The following FGD3 variants were observed in gnomAD, a reference collection of about 807,000 sequenced individuals.
FGD3 encodes the protein FYVE, RhoGEF and PH domain containing 3, also known as FYVE, RhoGEF and PH domain-containing protein 3.
A neutral mutation model predicts 71.8 loss-of-function variants in FGD3; 45 were observed. That is an observed-to-expected ratio of 0.63 (90% CI 0.49 to 0.80). The LOEUF (loss-of-function observed/expected upper bound fraction) is 0.80, where lower values mean the gene tolerates loss of function less well. FGD3 is among the 30% of genes least tolerant of loss of function. FGD3 has a pLI of 0.00. For synonymous variants in FGD3, 378 were observed against 392.8 expected (o/e 0.96, Z 0.44); for missense variants, 844 against 951.5 (o/e 0.89, Z 1.49).
rs1384441687 is a variant in FGD3, at chr9:93,006,079, A to C, written c.736A>C (p.Met246Leu). 1 of 1,613,100 alleles carries C rather than the reference A, an allele frequency of 6.2e-7. No homozygotes were observed. Among genetic ancestry groups the C allele is most frequent in the African/African-American group, 1.3e-5 (1 of 74,826 alleles). ...GCAGAAGCTGGCCCCATTCCTGAAG[A>C]TGTACGGCGAGTATGTCAAGAACTT... is the stretch of plus-strand genomic sequence containing the variant. Reference protein sequence around the residue: ...ILQKLAPFLKMYGEYVKNFDR... With the variant: ...ILQKLAPFLKLYGEYVKNFDR... Residue 246 changes from methionine (M) to leucine (L), a missense_variant, in exon 6 of 18, where the codon ATG becomes CTG. Transcript: ENST00000375482.
intron 3 of FGD3, among the ~76,000 whole-genome samples, chr9:93,002,352 G>A (rs763238318): frequency 6.6e-6 from 1 of 152,170 alleles, no homozygotes; most frequent in Non-Finnish European, 1.5e-5. Flanking sequence ...GGGAGGCTGA[G>A]GCGGGCAGAT....
intron 3 of FGD3, among the ~76,000 whole-genome samples, chr9:92,993,296 A>T (rs573030422): frequency 2.0e-5 from 3 of 152,132 alleles, no homozygotes; most frequent in African/African-American, 7.2e-5. Flanking sequence ...AGTCTATTTT[A>T]TCTAACTATG....
chr9:93,024,623 C>T (rs931424081), intron 14 of FGD3, among the ~76,000 whole-genome samples: 1 of 152,228 alleles, frequency 6.6e-6, no homozygotes. Context: ...CATGGAGAGG[C>T]ACCTTCAGTG....
intron 3 of FGD3, among the ~76,000 whole-genome samples, chr9:93,000,876 C>G (rs1860833696): frequency 6.6e-6 from 1 of 152,142 alleles, no homozygotes; most frequent in Non-Finnish European, 1.5e-5. Flanking sequence ...TAAATAAACT[C>G]TTTGCCCCTT....
At chr9:92,989,740 G>A (rs1860330147) in intron 3 of FGD3, among the ~76,000 whole-genome samples, 1 of 152,182 alleles carries the variant, frequency 6.6e-6, no homozygotes, top group Non-Finnish European at 1.5e-5. Context: ...CTTTACATAA[G>A]ATGAGGTAAA....
intron 1 of FGD3, among the ~76,000 whole-genome samples, chr9:92,954,579 G>A (rs1859014538): frequency 1.3e-5 from 2 of 152,204 alleles, no homozygotes; most frequent in African/African-American, 2.4e-5. Flanking sequence ...GCAGCCATGA[G>A]GGTCTCTGCA....
rs1861768760 is a variant in FGD3, at chr9:93,018,013, C to G, written c.1276-123C>G. ...CCTCTGCACCCCTCTCCCTGCAGAA[C>G]TGTGGGGCTGCAGGCTCACCTCTGT... On this transcript the variant is annotated intron_variant, in intron 10 of 17. Transcript: ENST00000375482. 3 of 883,288 alleles carry G rather than the reference C, an allele frequency of 3.4e-6. No homozygotes were observed. The South Asian group carries it at 4.2e-5, about 12-fold the overall frequency. The allele number at this position is 883,288 out of a possible 1,614,324, so 54.7% of individuals were successfully genotyped here.
chr9:92,957,344 C>T (rs1199393020), intron 1 of FGD3, among the ~76,000 whole-genome samples: 1 of 152,228 alleles, frequency 6.6e-6, no homozygotes, highest in Non-Finnish European at 1.5e-5. Context: ...CTGAGAGTTA[C>T]GTTTGCTCCA....
At chr9:93,032,899 C>T in intron 16 of FGD3, 26 bp downstream of exon 16, 4 of 1,603,682 alleles carry the variant, frequency 2.5e-6, no homozygotes, top group Non-Finnish European at 3.4e-6. Flanking sequence ...TCCTGCTCCC[C>T]TCCTGGTGGC....
At chr9:92,957,373 G>A (rs1335052075) in intron 1 of FGD3, among the ~76,000 whole-genome samples, 1 of 152,194 alleles carries the variant, frequency 6.6e-6, no homozygotes, top group Non-Finnish European at 1.5e-5. Context: ...CCAGCAGGTG[G>A]CATTGTCAGT....
At chr9:93,001,073 C>G (rs1190657907) in intron 3 of FGD3, among the ~76,000 whole-genome samples, 1 of 152,068 alleles carries the variant, frequency 6.6e-6, no homozygotes, top group Admixed American at 6.6e-5. Flanking sequence ...TGTCAAACCC[C>G]TCTTAAAAAT....
In FGD3 at chr9:92,973,261, C is replaced by T. The variant is rs1018285429; in HGVS notation, c.-217-1977C>T. ...TCCTAAGCAGCTGGGATTACAGGCA[C>T]GCACCACCATGCCTGGCTAATTTTT... On this transcript the variant is annotated intron_variant, in intron 1 of 17. Coordinates refer to ENST00000375482, the MANE Select transcript of FGD3 (RefSeq NM_001083536.2). Among the ~76,000 whole-genome samples, 12 of 151,954 alleles carry T rather than the reference C, an allele frequency of 7.9e-5. No individual in the cohort carries two copies. In the South Asian group the frequency reaches 2.1e-3, roughly 26 times the overall value.
At chr9:92,987,367 G>A (rs893286736) in intron 3 of FGD3, among the ~76,000 whole-genome samples, 4 of 150,884 alleles carry the variant, frequency 2.7e-5, no homozygotes, top group African/African-American at 7.3e-5. Context: ...AGGAGGCGGA[G>A]CTTGCAGAGA....
At position 93,020,442 on chromosome 9, in the gene FGD3, G is replaced by C. The variant is rs1328265456; in HGVS notation, c.1494+18G>C. ...ACATGCCTGTGAGTCAGTGGCCCGGGGTGCAGAGAGACCTCCAGGGGACGG... is the reference window on the plus strand; with the variant it reads ...ACATGCCTGTGAGTCAGTGGCCCGGCGTGCAGAGAGACCTCCAGGGGACGG... On this transcript the variant is annotated intron_variant, in intron 13 of 17. Transcript: ENST00000375482. 2 of 1,605,822 alleles carry C rather than the reference G, an allele frequency of 1.2e-6. No homozygotes were observed. The highest frequency in any genetic ancestry group is 2.2e-5 in the East Asian group (1 of 44,744).
intron 3 of FGD3, among the ~76,000 whole-genome samples, chr9:92,981,368 C>CG (rs1859988443): frequency 8.9e-6 from 1 of 111,750 alleles, no homozygotes. Flanking sequence ...ATTCCATCTC[C>CG]AAAAAAAAAA....
chr9:93,019,349 T>C (rs1011254473), intron 11 of FGD3, among the ~76,000 whole-genome samples: 1 of 152,228 alleles, frequency 6.6e-6, no homozygotes, highest in Non-Finnish European at 1.5e-5. Context: ...CCTGCGCTCC[T>C]CCCGAACCTG....
intron 1 of FGD3, among the ~76,000 whole-genome samples, chr9:92,960,951 C>G (rs1160792725): frequency 1.3e-5 from 2 of 152,000 alleles, no homozygotes; most frequent in Non-Finnish European, 1.5e-5. Context: ...CCCTGGGGCT[C>G]TCTCCTGGTG....
rs543071431 is a variant in FGD3, at chr9:93,013,975, C to T, written c.1159C>T (p.Pro387Ser). 27 of 1,609,584 alleles carry T rather than the reference C, an allele frequency of 1.7e-5. No individual in the cohort carries two copies. The South Asian group carries it at 3.0e-4, about 18-fold the overall frequency. The change falls in exon 9 of 18, where the codon CCC becomes TCC. Residue 387 changes from proline (P) to serine (S), a missense_variant. Physicochemically the swap from Pro to Ser is moderately conservative, Grantham distance 74. Transcript: ENST00000375482. ...IQKLSAKNGT[P>S]QDRHLFLFNS... ...GAAACTGTCAGCCAAGAACGGCACC[C>T]CCCAGGACCGCCACCTCTTCCTGGT...
intron 3 of FGD3, among the ~76,000 whole-genome samples, chr9:92,995,448 T>A (rs1406684186): frequency 6.6e-6 from 1 of 152,232 alleles, no homozygotes; most frequent in Non-Finnish European, 1.5e-5. Flanking sequence ...CCTCTTTTCC[T>A]AATTGAATAT....
Sources: allele counts gnomAD v4.1 joint callset (sites outside exome capture counted in the v4.1 genomes callset), GRCh38; gene constraint gnomAD v4.1.1; transcripts MANE v1.5; gene names NCBI Gene and HGNC (gene_info 2026-07-23, HGNC 2026-07-21).